The following DIXDC1 variants were observed in gnomAD, a reference collection of about 807,000 sequenced individuals.
The protein encoded by DIXDC1 is DIX domain containing 1, also known as dixin.
Under a neutral mutation model 103.1 loss-of-function variants are expected in DIXDC1, and 64 were observed. The ratio of observed to expected loss-of-function variants is 0.62; its 90% CI spans 0.51 to 0.76. DIXDC1 has a LOEUF of 0.76. Among genes scored for constraint, DIXDC1 ranks in the 30% least tolerant of loss-of-function variants. The probability of loss-of-function intolerance (pLI) is 0.00; values close to 1 mark genes in which losing one functional copy is unlikely to be tolerated. For missense variants in DIXDC1, 759 were observed against 834.2 expected (o/e 0.91, Z 1.11); for synonymous variants, 266 against 298.5 (o/e 0.89, Z 1.12).
intron 1 of DIXDC1, among the ~76,000 whole-genome samples, chr11:111,927,553 G>A (rs1965865422): frequency 6.6e-6 from 1 of 152,098 alleles, no homozygotes; most frequent in Admixed American, 6.5e-5. Context: ...GCAGTTTTCT[G>A]CTTCAGACTT....
chr11:112,000,190 T>A (rs2137600667), intron 17 of DIXDC1, among the ~76,000 whole-genome samples: 1 of 152,004 alleles, frequency 6.6e-6, no homozygotes, highest in South Asian at 2.1e-4. Context: ...AAATTGGACT[T>A]CATCAAAATT....
chr11:111,959,092 A>T (rs1859489718), intron 1 of DIXDC1, among the ~76,000 whole-genome samples: 1 of 152,128 alleles, frequency 6.6e-6, no homozygotes, highest in South Asian at 2.1e-4. Flanking sequence ...CCACTTACCC[A>T]CATACCTCAT....
chr11:111,977,382 C>G lies in DIXDC1; in HGVS notation c.656+2399C>G. ...AGCCTGCGCCGCCGGGAGCCTCCCTCCCAGTGGGAGATGGGTTGAGATGCC... is the reference window on the plus strand; with the variant it reads ...AGCCTGCGCCGCCGGGAGCCTCCCTGCCAGTGGGAGATGGGTTGAGATGCC... On this transcript the variant is annotated intron_variant, in intron 5 of 19. Coordinates refer to ENST00000440460, the MANE Select transcript of DIXDC1 (RefSeq NM_001037954.4). The surrounding 1 kb of genome is among the most constrained non-coding windows in gnomAD (Gnocchi z 6.1). 1 of 1,088,252 alleles carries G rather than the reference C, an allele frequency of 9.2e-7. No homozygotes were observed. Among genetic ancestry groups the G allele is most frequent in the Non-Finnish European group, 1.1e-6 (1 of 895,130 alleles). The allele number at this position is 1,088,252 out of a possible 1,614,324, so 67.4% of individuals were successfully genotyped here.
At chr11:111,970,562 T>C (rs922764394) in intron 3 of DIXDC1, among the ~76,000 whole-genome samples, 1 of 151,300 alleles carries the variant, frequency 6.6e-6, no homozygotes, top group African/African-American at 2.4e-5. Context: ...CTCAGGAGGC[T>C]GAGACAGGAG....
chr11:112,017,745 G>A lies in DIXDC1; in HGVS notation c.1863-32G>A. ...TTATCTTTCCAGCTATTGATCAACA[G>A]TCTATTTTAGTGCTCTCTCCTTGTG... On this transcript the variant is annotated intron_variant, in intron 18 of 19. Coordinates refer to ENST00000440460, the MANE Select transcript of DIXDC1 (RefSeq NM_001037954.4). The surrounding 1 kb of genome is among the most constrained non-coding windows in gnomAD (Gnocchi z 4.0). 6.5e-7 allele frequency: 1 copy of A among 1,547,700 alleles called. No homozygotes were observed. Among genetic ancestry groups the A allele is most frequent in the Non-Finnish European group, 8.8e-7 (1 of 1,130,522 alleles).
chr11:111,992,664 C>G, intron 11 of DIXDC1, 145 bp downstream of exon 11: 1 of 757,724 alleles, frequency 1.3e-6, no homozygotes, highest in Non-Finnish European at 2.1e-6. Context: ...TTTTTATTCC[C>G]CATTAGACTC....
Position 111,980,760 on chromosome 11 carries a change from A to G in DIXDC1, c.680A>G (p.His227Arg). ...AGCCTGACTTCACCCAGTCCAATCC[A>G]CAGTGCAAAGAGCGAGTCCATTATA... ...CSSLTSPSPIHSAKSESIITQ... is the reference protein window; with the variant it reads ...CSSLTSPSPIRSAKSESIITQ... The change falls in exon 6 of 20, where the codon CAC becomes CGC. Residue 227 changes from histidine (H) to arginine (R), a missense_variant. By Grantham distance (29) the His-to-Arg change is conservative (BLOSUM62 0). Transcript: ENST00000440460. The G allele has an allele frequency of 6.2e-6, 10 of 1,613,946 alleles. No homozygotes were observed. Among genetic ancestry groups the G allele is most frequent in the Non-Finnish European group, 8.5e-6 (10 of 1,179,878 alleles).
chr11:112,015,684 C>T (rs1251629044), intron 17 of DIXDC1, among the ~76,000 whole-genome samples: 1 of 151,390 alleles, frequency 6.6e-6, no homozygotes, highest in African/African-American at 2.4e-5. Context: ...CACCTGTTAT[C>T]CCAGCTACTC....
upstream of DIXDC1, among the ~76,000 whole-genome samples, chr11:111,936,238 G>A (rs1295658806): frequency 6.6e-6 from 1 of 152,228 alleles, no homozygotes; most frequent in Non-Finnish European, 1.5e-5. Context: ...CTGGGATCAC[G>A]AGGTGGAATG....
At chr11:111,935,171 T>A (rs587734478), upstream of DIXDC1, among the ~76,000 whole-genome samples, 4 of 152,334 alleles carry the variant, frequency 2.6e-5, no homozygotes, top group South Asian at 8.3e-4. Flanking sequence ...TCCAGCATGC[T>A]GTGATGGGCA....
chr11:111,969,745 A>G (rs1426469595), intron 3 of DIXDC1, among the ~76,000 whole-genome samples: 1 of 152,156 alleles, frequency 6.6e-6, no homozygotes, highest in African/African-American at 2.4e-5. Context: ...TTATTATATT[A>G]GTGTTCTCTG....
chr11:111,936,265 T>C (rs1555168088), upstream of DIXDC1, among the ~76,000 whole-genome samples: 2 of 152,274 alleles, frequency 1.3e-5, no homozygotes, highest in African/African-American at 4.8e-5. Flanking sequence ...GAATGTTTTT[T>C]CAGCTTCGAG....
intron 9 of DIXDC1, among the ~76,000 whole-genome samples, chr11:111,987,568 G>A (rs1384031168): frequency 5.3e-5 from 8 of 151,596 alleles, no homozygotes; most frequent in Non-Finnish European, 1.5e-5. Flanking sequence ...GTGATTCCTA[G>A]CTTTTCTTTT....
rs1016286196 is a variant in DIXDC1, at chr11:112,016,563, T to C, written c.1757-128T>C. 1.2e-5 allele frequency: 8 copies of C among 677,360 alleles called. No homozygotes were observed. In the East Asian group the frequency reaches 1.9e-4, roughly 16 times the overall value. 42.0% of individuals were successfully genotyped at this position (677,360 alleles called of 1,614,324 possible). ...AACCATAGCATATGGACATTGTGTT[T>C]GGCAAGGGTGTGAGAGCTGTGGGCT... On this transcript the variant is annotated intron_variant, in intron 17 of 19. Transcript: ENST00000440460.
chr11:111,964,667 T>G lies in DIXDC1; in HGVS notation c.179T>G (p.Ile60Ser). 1 of 1,606,900 alleles carries G rather than the reference T, an allele frequency of 6.2e-7. No individual in the cohort carries two copies. The highest frequency in any genetic ancestry group is 8.5e-7 in the Non-Finnish European group (1 of 1,176,908). The change falls in exon 2 of 20, where the codon ATC (isoleucine) becomes AGC (serine). Residue 60 changes from isoleucine to serine, a missense_variant. Around this residue, in one of 3 missense-constraint regions of DIXDC1, gnomAD observed 97 missense variants for 85.4 expected, o/e 1.14. Transcript: ENST00000440460. The stretch of plus-strand genomic sequence containing the variant: ...GATGGGGTGATCCTGGCATATCTCA[T>G]CGAGATTGTTGGTCAGTTGGCCCTG... ...LRDGVILAYL[I>S]EIVAGEKLSG... is the part of the protein sequence containing the mutation.
At chr11:111,986,669 A>G (rs931353701) in intron 8 of DIXDC1, among the ~76,000 whole-genome samples, 2 of 151,918 alleles carry the variant, frequency 1.3e-5, no homozygotes, top group Non-Finnish European at 2.9e-5. Flanking sequence ...TGGCCCACCC[A>G]TACTTATTCT....
At position 112,016,942 on chromosome 11, in the gene DIXDC1, A is replaced by G. The variant is rs1336714568; in HGVS notation, c.1862+146A>G. On this transcript the variant is annotated intron_variant, in intron 18 of 19. Transcript: ENST00000440460. ...ATAGTGAGATAAGCCAGAGAGACAG[A>G]TTCTAGTTTCAGCTTTGCCACTATT... 2.9e-5 allele frequency: 19 copies of G among 664,676 alleles called. No homozygotes were observed. In the African/African-American group the frequency reaches 3.2e-4, roughly 11 times the overall value. The allele number at this position is 664,676 out of a possible 1,614,324, so 41.2% of individuals were successfully genotyped here.
intron 17 of DIXDC1, among the ~76,000 whole-genome samples, chr11:112,010,993 A>G (rs1290229854): frequency 1.3e-5 from 2 of 152,234 alleles, no homozygotes; most frequent in Non-Finnish European, 2.9e-5. Flanking sequence ...AGCAAAAGAA[A>G]CTATCATCAG....
At chr11:112,006,118 A>C (rs1555176608) in intron 17 of DIXDC1, among the ~76,000 whole-genome samples, 1 of 152,092 alleles carries the variant, frequency 6.6e-6, no homozygotes, top group African/African-American at 2.4e-5. Flanking sequence ...TAGCAAATGC[A>C]GACCAGGAGC....
Sources: gnomAD v4.1 joint callset for allele counts (sites outside exome capture counted in the v4.1 genomes callset) on GRCh38, gnomAD v4.1.1 for gene constraint, gnomAD v4.1.1 regional missense constraint, Gnocchi (gnomAD v3.1) non-coding constraint, MANE v1.5 for transcripts, NCBI Gene and HGNC (gene_info 2026-07-23, HGNC 2026-07-21) for gene names.